ERBB3: variants seen among roughly 807,000 people sequenced by gnomAD.
ERBB3 encodes the protein receptor tyrosine-protein kinase erbB-3.
A neutral mutation model predicts 156.7 loss-of-function variants in ERBB3; 96 were observed. The ratio of observed to expected loss-of-function variants is 0.61; its 90% confidence interval spans 0.52 to 0.73. ERBB3 has a LOEUF of 0.73. ERBB3 is among the 30% of genes least tolerant of loss of function. The pLI is 0.00. For synonymous variants in ERBB3, 567 were observed against 632.0 expected (o/e 0.90, Z 1.54); for missense variants, 1,406 against 1,709.4 (o/e 0.82, Z 3.13).
chr12:56,100,842 A>G (rs564204026), intron 26 of ERBB3, among the ~76,000 whole-genome samples: 3 of 145,822 alleles, frequency 2.1e-5, no homozygotes, highest in Non-Finnish European at 3.0e-5. Flanking sequence ...CGGGAGGCTG[A>G]GGCAGGAGAA....
Position 56,093,375 on chromosome 12 carries a change from C to T in ERBB3, c.1305C>T (p.Asn435=), listed in dbSNP as rs199613777. Reference sequence around the variant, plus strand: ...GCTTCTCATTGTTGATCATGAAGAACTTGAATGTCACATCTCTGGGCTTCC... The same window carrying T: ...GCTTCTCATTGTTGATCATGAAGAATTTGAATGTCACATCTCTGGGCTTCC... ...NRGFSLLIMK[N]LNVTSLGFRS... is the part of the protein sequence containing the mutation. Residue 435 remains asparagine, a synonymous_variant, in exon 12 of 28, where the codon AAC becomes AAT. Coordinates refer to ENST00000267101, the MANE Select transcript of ERBB3 (RefSeq NM_001982.4). 2.0e-5 allele frequency: 33 copies of T among 1,614,024 alleles called. No individual in the cohort carries two copies. In the East Asian group the frequency reaches 4.0e-4, roughly 20 times the overall value.
chr12:56,092,638 T>C (rs1164977262), intron 9 of ERBB3, 109 bp from the exon 10 acceptor site: 1 of 810,080 alleles, frequency 1.2e-6, no homozygotes, highest in East Asian at 2.4e-5. Flanking sequence ...AAGGAATGTT[T>C]CCTTTTAGTG....
intron 9 of ERBB3, among the ~76,000 whole-genome samples, chr12:56,090,450 C>G (rs1481845573): frequency 6.6e-6 from 1 of 151,300 alleles, no homozygotes; most frequent in Non-Finnish European, 1.5e-5. Flanking sequence ...TTGAGACCAT[C>G]CTGGCCAACA....
At chr12:56,086,787 C>A in intron 4 of ERBB3, 131 bp downstream of exon 4, 2 of 1,089,640 alleles carry the variant, frequency 1.8e-6, no homozygotes, top group Non-Finnish European at 2.8e-6. Context: ...CCTGACTCAG[C>A]AGCCCACCAG....
Position 56,080,215 on chromosome 12 carries a change from C to T in ERBB3, c.-86C>T, listed in dbSNP as rs1234279809. The T allele has an allele frequency of 9.3e-7, 1 of 1,074,756 alleles. No homozygotes were observed. 66.6% of individuals were successfully genotyped at this position (1,074,756 alleles called of 1,614,324 possible). ...GCCGCAGCAGCCACCAATTCGCCAG[C>T]GGTTCAGGTGGCTCTTGCCTCGATG... On this transcript the variant is annotated 5_prime_UTR_variant, in exon 1 of 28. Coordinates refer to ENST00000267101, the MANE Select transcript of ERBB3 (RefSeq NM_001982.4).
intron 12 of ERBB3, 102 bp from the exon 13 acceptor site, chr12:56,093,662 A>T: frequency 7.6e-6 from 12 of 1,572,770 alleles, no homozygotes; most frequent in Non-Finnish European, 1.0e-5. Flanking sequence ...AACCAAGGAG[A>T]AGGGGGCTGT....
intron 12 of ERBB3, 64 bp from the exon 13 acceptor site, chr12:56,093,700 T>C (rs1239402808): frequency 6.8e-6 from 11 of 1,607,448 alleles, no homozygotes; most frequent in African/African-American, 2.7e-5. Context: ...CGAGGAAGAA[T>C]AATGAAGAGA....
intron 9 of ERBB3, among the ~76,000 whole-genome samples, chr12:56,091,622 G>A (rs1471977846): frequency 6.6e-6 from 1 of 151,374 alleles, no homozygotes; most frequent in African/African-American, 2.4e-5. Flanking sequence ...ATAGGCATGC[G>A]CCGCTGCCAG....
chr12:56,088,893 T>C (rs775924433), intron 9 of ERBB3, 25 bp downstream of exon 9: 1 of 1,613,834 alleles, frequency 6.2e-7, no homozygotes, highest in Non-Finnish European at 8.5e-7. Context: ...CTTCCCTCCT[T>C]AGACCCCAGC....
At position 56,101,848 on chromosome 12, in the gene ERBB3, T is replaced by A; in HGVS notation, c.3822T>A (p.Gly1274=). The change falls in exon 28 of 28, where the codon GGT becomes GGA. Residue 1274 remains glycine, a synonymous_variant. Transcript: ENST00000267101. ...NRQRDGGGPG[G]DYAAMGACPA... is the part of the protein sequence containing the mutation. ...AACGAGATGGAGGTGGTCCTGGGGGTGATTATGCAGCCATGGGGGCCTGCC... is the reference window on the plus strand; with the variant it reads ...AACGAGATGGAGGTGGTCCTGGGGGAGATTATGCAGCCATGGGGGCCTGCC... 5 of 1,605,590 alleles carry A rather than the reference T, an allele frequency of 3.1e-6. No homozygotes were observed. Among genetic ancestry groups the A allele is most frequent in the Non-Finnish European group, 4.2e-6 (5 of 1,177,654 alleles).
At chr12:56,085,761 C>CAAAAAA (rs57274370) in intron 3 of ERBB3, 1 of 95,458 alleles carries the variant, frequency 1.0e-5, no homozygotes, top group African/African-American at 5.4e-5. Context: ...GACTCCGTCT[C>CAAAAAA]AAAAAAAAAA....
rs1246562487 is a variant in ERBB3 at position 56,096,774 on chromosome 12, A to G, written c.2202A>G (p.Ser734=). The part of the protein sequence containing the change: ...HKGVWIPEGE[S]IKIPVCIKVI... ...GAGTGTGGATCCCTGAGGGTGAATC[A>G]ATCAAGATTCCAGTCTGCATTAAAG... The change falls in exon 19 of 28, where the codon TCA becomes TCG. Residue 734 remains serine, a synonymous_variant. Coordinates refer to ENST00000267101, the MANE Select transcript of ERBB3 (RefSeq NM_001982.4). The G allele has an allele frequency of 6.2e-7, 1 of 1,614,094 alleles. No homozygotes were observed. Among genetic ancestry groups the G allele is most frequent in the South Asian group, 1.1e-5 (1 of 91,080 alleles).
chr12:56,087,127 A>C (rs1592226329), intron 4 of ERBB3, among the ~76,000 whole-genome samples: 3 of 120,752 alleles, frequency 2.5e-5, no homozygotes, highest in Non-Finnish European at 3.5e-5. Flanking sequence ...ACAGAGTGAG[A>C]CCCTGTCTCA....
At chr12:56,094,891 C>A (rs1488071981) in intron 15 of ERBB3, among the ~76,000 whole-genome samples, 1 of 148,982 alleles carries the variant, frequency 6.7e-6, no homozygotes, top group Non-Finnish European at 1.5e-5. Context: ...GCAGAGGTTG[C>A]GGTGAGCTGA....
rs1868768082 is a variant in ERBB3, at chr12:56,093,033, G to A, written c.1231G>A (p.Val411Ile). The change falls in exon 11 of 28, where the codon GTT becomes ATT. Residue 411 changes from valine (V) to isoleucine (I), a missense_variant. Around this residue, in one of 3 missense-constraint regions of ERBB3, gnomAD observed 979 missense variants for 1,219.6 expected, o/e 0.80. Transcript: ENST00000267101. Reference protein sequence around the residue: ...SWPPHMHNFSVFSNLTTIGGR... With the variant: ...SWPPHMHNFSIFSNLTTIGGR... ...GCCGCCCCACATGCACAACTTCAGT[G>A]TTTTTTCCAATTTGACAACCATTGG... 2 of 1,614,060 alleles carry A rather than the reference G, an allele frequency of 1.2e-6. No homozygotes were observed. The highest frequency in any genetic ancestry group is 3.3e-5 in the Admixed American group (2 of 59,988).
intron 9 of ERBB3, among the ~76,000 whole-genome samples, chr12:56,089,846 G>A (rs1489772183): frequency 3.3e-5 from 5 of 150,904 alleles, no homozygotes; most frequent in African/African-American, 1.2e-4. Flanking sequence ...GGACTTTCTA[G>A]TCTATAGGAC....
At chr12:56,080,161 G>C, upstream of ERBB3, 1 of 711,430 alleles carries the variant, frequency 1.4e-6, no homozygotes, top group Non-Finnish European at 2.5e-6. Context: ...CTCCGGCTCC[G>C]ATTGCAATTT....
At chr12:56,088,255 T>TA (rs1180417112) in intron 7 of ERBB3, 93 bp downstream of exon 7, 1 of 1,382,514 alleles carries the variant, frequency 7.2e-7, no homozygotes, top group African/African-American at 1.4e-5. Context: ...CAGTTGGTGA[T>TA]AAATAGGGAG....
rs777547093 is a variant in ERBB3 at position 56,101,194 on chromosome 12, T to C, written c.3335T>C (p.Val1112Ala). ...TGSEAELQEK[V>A]SMCRSRSRSR... ...TCTGAGGCTGAGCTCCAGGAGAAAG[T>C]GTCAATGTGTAGGAGCCGGAGCAGG... Residue 1112 changes from valine to alanine, a missense_variant, in exon 27 of 28, where the codon GTG becomes GCG. Transcript: ENST00000267101. 5.6e-6 allele frequency: 9 copies of C among 1,613,934 alleles called. No individual in the cohort carries two copies. Among genetic ancestry groups the C allele is most frequent in the South Asian group, 4.4e-5 (4 of 91,074 alleles).
Sources: allele counts gnomAD v4.1 joint callset (sites outside exome capture counted in the v4.1 genomes callset), GRCh38; gene constraint gnomAD v4.1.1; regional missense constraint gnomAD v4.1.1; transcripts MANE v1.5; gene names NCBI Gene and HGNC (gene_info 2026-07-23, HGNC 2026-07-21).